MORC1: variants seen among roughly 807,000 people sequenced by gnomAD.
MORC1 encodes MORC family CW-type zinc finger protein 1.
In MORC1, 59 loss-of-function variants were observed where a neutral mutation model predicts 134.9. The observed-to-expected ratio is 0.44, with a 90% CI of 0.35 to 0.54. The LOEUF (loss-of-function observed/expected upper bound fraction) is 0.54. Among genes scored for constraint, MORC1 ranks in the 20% least tolerant of loss-of-function variants. MORC1 has a pLI of 0.00. For synonymous variants in MORC1, 395 were observed against 391.7 expected (o/e 1.01, Z -0.10); for missense variants, 947 against 1,134.5 (o/e 0.83, Z 2.37).
intron 21 of MORC1, among the ~76,000 whole-genome samples, chr3:108,998,397 C>T (rs1210007468): frequency 1.3e-5 from 2 of 152,164 alleles, no homozygotes; most frequent in Non-Finnish European, 2.9e-5. Flanking sequence ...AAATAAGACC[C>T]TAGGTCCCAC....
intron 6 of MORC1, among the ~76,000 whole-genome samples, chr3:109,096,517 C>G (rs1348580004): frequency 6.6e-6 from 1 of 152,130 alleles, no homozygotes; most frequent in Non-Finnish European, 1.5e-5. Flanking sequence ...TTTACAAGTG[C>G]CATGGGAATG....
intron 14 of MORC1, among the ~76,000 whole-genome samples, chr3:109,043,600 G>GA (rs764529626): frequency 3.3e-5 from 5 of 151,540 alleles, no homozygotes; most frequent in South Asian, 4.2e-4. Flanking sequence ...GAAAAAAAAA[G>GA]AAAAAAAACA....
At chr3:109,003,933 G>A (rs759207542) in intron 20 of MORC1, among the ~76,000 whole-genome samples, 26 of 152,236 alleles carry the variant, frequency 1.7e-4, no homozygotes, top group African/African-American at 5.3e-4. Context: ...ACCATTTGCC[G>A]AATATATTAT....
At chr3:109,059,728 A>T (rs897103033) in intron 12 of MORC1, 78 bp downstream of exon 12, 14 of 1,303,628 alleles carry the variant, frequency 1.1e-5, no homozygotes, top group Non-Finnish European at 1.5e-5. Context: ...ATAACCACTA[A>T]ATCTGCCTAC....
At chr3:109,065,094 T>A (rs1950167576) in intron 9 of MORC1, among the ~76,000 whole-genome samples, 1 of 152,164 alleles carries the variant, frequency 6.6e-6, no homozygotes. Flanking sequence ...GAGTTCAAGC[T>A]CATTTCTCTC....
chr3:109,087,056 A>G (rs749392507), intron 8 of MORC1, among the ~76,000 whole-genome samples: 1 of 152,004 alleles, frequency 6.6e-6, no homozygotes, highest in Non-Finnish European at 1.5e-5. Flanking sequence ...CCTGTTTATG[A>G]AAGTTTAAAT....
In MORC1 at chr3:109,009,908, TG is replaced by T. The variant is rs1460690964; in HGVS notation, c.1705-2818del. Among the ~76,000 whole-genome samples, 10 of 152,218 alleles carry T rather than the reference TG, an allele frequency of 6.6e-5. No homozygotes were observed. In the East Asian group the frequency reaches 1.9e-3, roughly 29 times the overall value. On this transcript the variant is annotated intron_variant, in intron 17 of 27. Coordinates refer to ENST00000232603, the MANE Select transcript of MORC1 (RefSeq NM_014429.4). ...TGTTCTTCCATTACTCTGTTTTCCCTGGGTATTCAAATTGTTCAAATATTGT... is the reference window on the plus strand; with the variant it reads ...TGTTCTTCCATTACTCTGTTTTCCCTGGTATTCAAATTGTTCAAATATTGT...
In MORC1 at chr3:109,063,379, C is replaced by T. The variant is rs1202802001; in HGVS notation, c.816-148G>A. The T allele has an allele frequency of 8.5e-6, 4 of 469,328 alleles. No individual in the cohort carries two copies. In the Admixed American group the frequency reaches 1.4e-4, roughly 17 times the overall value. The allele number at this position is 469,328 out of a possible 1,614,324, so 29.1% of individuals were successfully genotyped here. A position where few individuals can be genotyped will look rare whatever the true frequency, so the allele number is the denominator to read the frequency against. ...GAGTTGCATCCAGCTGGTAAATTAGCAAACTTTATACCTAAGTGAATTTCC... is the reference window on the plus strand; with the variant it reads ...GAGTTGCATCCAGCTGGTAAATTAGTAAACTTTATACCTAAGTGAATTTCC... On this transcript the variant is annotated intron_variant, in intron 9 of 27. Transcript: ENST00000232603.
Position 109,004,870 on chromosome 3 carries a change from T to C in MORC1, c.2032A>G (p.Ile678Val). The C allele has an allele frequency of 1.2e-6, 2 of 1,613,582 alleles. No individual in the cohort carries two copies. Among genetic ancestry groups the C allele is most frequent in the Non-Finnish European group, 1.7e-6 (2 of 1,179,862 alleles). ...GGTTGAGCTCTCCAGACAGTGGTAA[T>C]ATTAGCAATCTGACTTCTCTTTCAA... ...ERSQRSQIAN[I>V]TTVWRAQPTE... The change falls in exon 20 of 28, where the codon ATT becomes GTT. Residue 678 changes from isoleucine (I) to valine (V), a missense_variant. Around this residue, in one of 3 missense-constraint regions of MORC1, gnomAD observed 722 missense variants for 817.0 expected, o/e 0.88. Transcript: ENST00000232603.
chr3:109,053,613 G>A (rs1949881538), intron 14 of MORC1, among the ~76,000 whole-genome samples: 1 of 152,088 alleles, frequency 6.6e-6, no homozygotes, highest in Non-Finnish European at 1.5e-5. Context: ...AATAGACACT[G>A]AGGAATATAA....
chr3:109,017,308 C>T lies in MORC1; in HGVS notation c.1705-10217G>A, dbSNP rs573422785. On this transcript the variant is annotated intron_variant, in intron 17 of 27. Coordinates refer to ENST00000232603, the MANE Select transcript of MORC1 (RefSeq NM_014429.4). Reference sequence around the variant, plus strand: ...AAAGTCAAAGCAAAATAGTAAAACACAAGATCAGGAGAAAGTTTTCTAAAG... The same window carrying T: ...AAAGTCAAAGCAAAATAGTAAAACATAAGATCAGGAGAAAGTTTTCTAAAG... 7.7e-4 allele frequency among the ~76,000 whole-genome samples: 117 copies of T among 152,104 alleles called. 2 individuals carry two copies. The highest frequency in any genetic ancestry group is 5.3e-4 in the Non-Finnish European group (36 of 68,006).
At chr3:109,023,329 T>A (rs1949003716) in intron 17 of MORC1, among the ~76,000 whole-genome samples, 1 of 152,202 alleles carries the variant, frequency 6.6e-6, no homozygotes, top group South Asian at 2.1e-4. Context: ...AGTGTCAGAT[T>A]ATAGACAGCC....
chr3:109,003,932 C>T (rs1156991750), intron 20 of MORC1, among the ~76,000 whole-genome samples: 1 of 151,980 alleles, frequency 6.6e-6, no homozygotes, highest in African/African-American at 2.4e-5. Context: ...TACCATTTGC[C>T]GAATATATTA....
chr3:109,005,409 T>C (rs954170761), intron 18 of MORC1, 94 bp from the exon 19 acceptor site: 1 of 1,165,892 alleles, frequency 8.6e-7, no homozygotes, highest in Non-Finnish European at 1.1e-6. Context: ...AATAGGTATT[T>C]CTTATTACTA....
intron 25 of MORC1, among the ~76,000 whole-genome samples, chr3:108,970,241 T>C (rs1318247107): frequency 1.3e-5 from 2 of 151,388 alleles, no homozygotes; most frequent in Non-Finnish European, 2.9e-5. Flanking sequence ...CAACAGGAGC[T>C]GCCACAAAGA....
chr3:109,042,657 A>G (rs959716474), intron 14 of MORC1, among the ~76,000 whole-genome samples: 1 of 152,214 alleles, frequency 6.6e-6, no homozygotes, highest in African/African-American at 2.4e-5. Context: ...CTATTTATAA[A>G]TAGCTAAGAT....
intron 17 of MORC1, among the ~76,000 whole-genome samples, chr3:109,026,033 C>T (rs1949066042): frequency 6.6e-6 from 1 of 152,110 alleles, no homozygotes; most frequent in South Asian, 2.1e-4. Context: ...TGGGACAGAC[C>T]TGAGGGCAAG....
intron 6 of MORC1, among the ~76,000 whole-genome samples, chr3:109,097,243 G>C (rs1010812322): frequency 6.6e-6 from 1 of 152,180 alleles, no homozygotes; most frequent in Non-Finnish European, 1.5e-5. Flanking sequence ...TAAATGGCTT[G>C]AGACTGCTCA....
In MORC1 at chr3:109,044,029, A is replaced by G. The variant is rs191858550; in HGVS notation, c.1331-8561T>C. 3.0e-3 allele frequency among the ~76,000 whole-genome samples: 458 copies of G among 152,352 alleles called. 1 individual carries two copies. Among genetic ancestry groups the G allele is most frequent in the Non-Finnish European group, 4.5e-3 (308 of 68,034 alleles). ...GGCTGAAAGCACACAGCTAATTTTC[A>G]AAATTATAAAAGAGTACATATCTTA... On this transcript the variant is annotated intron_variant, in intron 14 of 27. Coordinates refer to ENST00000232603, the MANE Select transcript of MORC1 (RefSeq NM_014429.4).
Sources: gnomAD v4.1 joint callset for allele counts (sites outside exome capture counted in the v4.1 genomes callset) on GRCh38, gnomAD v4.1.1 for gene constraint, gnomAD v4.1.1 regional missense constraint, MANE v1.5 for transcripts, NCBI Gene and HGNC (gene_info 2026-07-23, HGNC 2026-07-21) for gene names.